COL4A2: variants seen among roughly 807,000 people sequenced by gnomAD.
The protein encoded by COL4A2 is collagen type IV alpha 2 chain.
COL4A2 carries 99 observed loss-of-function variants against 200.2 expected under a neutral mutation model. The ratio of observed to expected loss-of-function variants is 0.49; its 90% CI spans 0.42 to 0.58. COL4A2 has a LOEUF of 0.58. Among genes scored for constraint, COL4A2 ranks in the 20% least tolerant of loss-of-function variants. COL4A2 has a pLI of 0.00. For synonymous variants in COL4A2, 897 were observed against 900.6 expected, an observed-to-expected ratio of 1.00 and a Z score of 0.07; for missense variants, 1,950 against 2,314.1, an observed-to-expected ratio of 0.84 and a Z score of 3.23.
At chr13:110,371,468 T>C (rs775072899) in intron 4 of COL4A2, among the ~76,000 whole-genome samples, 18 of 152,222 alleles carry the variant, frequency 1.2e-4, no homozygotes, top group Non-Finnish European at 2.5e-4. Flanking sequence ...TAGAAAATCT[T>C]TTCAACCTCC....
rs770333998 is a variant in COL4A2 at position 110,489,474 on chromosome 13, C to T, written c.3237C>T (p.Gly1079=). 6.2e-7 allele frequency: 1 copy of T among 1,614,008 alleles called. No homozygotes were observed. Among genetic ancestry groups the T allele is most frequent in the Non-Finnish European group, 8.5e-7 (1 of 1,180,026 alleles). ...RGDKGAPGRA[G]LYGEIGATGD... is the part of the protein sequence containing the mutation. ...ACAAAGGTGCCCCAGGGAGAGCAGG[C>T]CTGTATGGCGAGATTGGCGCGACTG... is the stretch of plus-strand genomic sequence containing the variant. The change falls in exon 35 of 48, where the codon GGC becomes GGT. Residue 1079 remains glycine (G), a synonymous_variant. Coordinates refer to ENST00000360467, the MANE Select transcript of COL4A2 (RefSeq NM_001846.4).
intron 28 of COL4A2, among the ~76,000 whole-genome samples, chr13:110,470,439 G>A (rs1882424106): frequency 6.6e-6 from 1 of 152,156 alleles, no homozygotes. Flanking sequence ...TCACCGGGCT[G>A]TTCCTGAGCC....
chr13:110,418,490 C>T (rs931313526), intron 4 of COL4A2, among the ~76,000 whole-genome samples: 5 of 152,218 alleles, frequency 3.3e-5, no homozygotes, highest in African/African-American at 1.2e-4. Flanking sequence ...AGCTTTAGCT[C>T]TTACATTTAG....
Position 110,434,371 on chromosome 13 carries a change from AAAACTTACAG to A in COL4A2, c.685-26_685-17del, listed in dbSNP as rs774931912. 6.3e-7 allele frequency: 1 copy of A among 1,598,622 alleles called. No homozygotes were observed. The highest frequency in any genetic ancestry group is 1.7e-5 in the Admixed American group (1 of 57,234). ...ATTTCTCTCTGATTATTGGCTTTTT[AAAACTTACAG>A]AAATTATTTATCTTTTCAGGGCAAC... On this transcript the variant is annotated intron_variant, in intron 11 of 47. Transcript: ENST00000360467.
intron 3 of COL4A2, 95 bp downstream of exon 3, chr13:110,308,218 A>C: frequency 7.1e-7 from 1 of 1,402,290 alleles, no homozygotes; most frequent in Admixed American, 1.7e-5. Context: ...TGCGCTCCCG[A>C]GTGTGTGTGT....
At chr13:110,486,351 C>T (rs113084218) in intron 34 of COL4A2, among the ~76,000 whole-genome samples, 47 of 152,328 alleles carry the variant, frequency 3.1e-4, no homozygotes, top group African/African-American at 9.6e-4. Flanking sequence ...CTCTCTTCTC[C>T]ACACCTTCTC....
At chr13:110,370,212 G>A (rs76601311) in intron 4 of COL4A2, among the ~76,000 whole-genome samples, 45 of 148,462 alleles carry the variant, frequency 3.0e-4, no homozygotes, top group Admixed American at 4.0e-4. Flanking sequence ...CCAAAAAAAA[G>A]AAAAAAAAAA....
Position 110,438,686 on chromosome 13 carries a change from T to C in COL4A2, c.912+18T>C, listed in dbSNP as rs749681292. ...GACTGAGGGTAAACCACGCCTTTTATAACTGCAGTTGTCGGTTTGGTTTGG... is the reference window on the plus strand; with the variant it reads ...GACTGAGGGTAAACCACGCCTTTTACAACTGCAGTTGTCGGTTTGGTTTGG... On this transcript the variant is annotated intron_variant, in intron 15 of 47. Transcript: ENST00000360467. The C allele has an allele frequency of 8.1e-6, 13 of 1,614,102 alleles. No individual in the cohort carries two copies. Among genetic ancestry groups the C allele is most frequent in the East Asian group, 2.2e-5 (1 of 44,896 alleles).
intron 46 of COL4A2, 75 bp from the exon 47 acceptor site, chr13:110,507,860 C>G (rs962748623): frequency 1.3e-6 from 2 of 1,504,812 alleles, no homozygotes; most frequent in Non-Finnish European, 1.8e-6. Flanking sequence ...ACACAGCCTC[C>G]TGGGCCTGGC....
Position 110,449,818 on chromosome 13 carries a change from G to A in COL4A2, c.1189+29G>A, listed in dbSNP as rs1429972509. Reference sequence around the variant, plus strand: ...ATGTGGCTTCATAATATCAACACCGGAGACCCAAAGCACCTGCACTCAGGT... The same window carrying A: ...ATGTGGCTTCATAATATCAACACCGAAGACCCAAAGCACCTGCACTCAGGT... On this transcript the variant is annotated intron_variant, in intron 19 of 47. Coordinates refer to ENST00000360467, the MANE Select transcript of COL4A2 (RefSeq NM_001846.4). The A allele has an allele frequency of 9.7e-6, 15 of 1,542,406 alleles. No individual in the cohort carries two copies. The East Asian group carries it at 3.7e-4, about 38-fold the overall frequency.
chr13:110,343,705 CG>C (rs1167283558), intron 3 of COL4A2, among the ~76,000 whole-genome samples: 6 of 152,212 alleles, frequency 3.9e-5, no homozygotes, highest in Admixed American at 6.5e-5. Flanking sequence ...CCAATGCAAA[CG>C]GGGACCTTCC....
At chr13:110,369,805 G>A (rs1339214641) in intron 4 of COL4A2, among the ~76,000 whole-genome samples, 2 of 152,078 alleles carry the variant, frequency 1.3e-5, no homozygotes, top group Admixed American at 6.5e-5. Context: ...TTGCACAGAT[G>A]AGCCTTCTCT....
chr13:110,366,835 A>C (rs1427143002), intron 4 of COL4A2, among the ~76,000 whole-genome samples: 2 of 152,208 alleles, frequency 1.3e-5, no homozygotes, highest in Non-Finnish European at 2.9e-5. Flanking sequence ...GTCATTTCAA[A>C]ATGTCCTTAG....
At chr13:110,330,507 A>T (rs1167147447) in intron 3 of COL4A2, among the ~76,000 whole-genome samples, 2 of 152,200 alleles carry the variant, frequency 1.3e-5, no homozygotes, top group African/African-American at 4.8e-5. Context: ...CTGCCTGTTC[A>T]CAATTCATCT....
At chr13:110,440,261 A>G (rs949460380) in intron 16 of COL4A2, among the ~76,000 whole-genome samples, 5 of 152,264 alleles carry the variant, frequency 3.3e-5, no homozygotes, top group African/African-American at 4.8e-5. Flanking sequence ...AGTTCTGTGG[A>G]CAGATTTTTG....
chr13:110,395,891 G>T (rs1299346871), intron 4 of COL4A2, among the ~76,000 whole-genome samples: 3 of 152,214 alleles, frequency 2.0e-5, no homozygotes, highest in Admixed American at 2.0e-4. Context: ...GTTGCAGTGA[G>T]CCAAGATCGC....
intron 41 of COL4A2, among the ~76,000 whole-genome samples, chr13:110,502,322 T>G (rs1261310957): frequency 1.3e-5 from 2 of 152,116 alleles, no homozygotes; most frequent in Non-Finnish European, 2.9e-5. Flanking sequence ...TTTGTTGGGT[T>G]GTTTTCTTGT....
chr13:110,402,266 A>G (rs1010729566), intron 4 of COL4A2, among the ~76,000 whole-genome samples: 2 of 152,222 alleles, frequency 1.3e-5, no homozygotes, highest in South Asian at 2.1e-4. Context: ...TATGAAATCA[A>G]ATAAATTGTG....
chr13:110,438,063 C>T (rs961299078), intron 14 of COL4A2, 26 bp downstream of exon 14: 9 of 1,608,064 alleles, frequency 5.6e-6, no homozygotes, highest in Non-Finnish European at 7.7e-6. Context: ...AGCATGCCCC[C>T]TCCCCTGTGG....
Sources: allele counts gnomAD v4.1 joint callset (sites outside exome capture counted in the v4.1 genomes callset), GRCh38; gene constraint gnomAD v4.1.1; transcripts MANE v1.5; gene names NCBI Gene and HGNC (gene_info 2026-07-23, HGNC 2026-07-21).